Variants in BSN observed in about 807,000 individuals in gnomAD.
The protein encoded by BSN is protein bassoon.
A neutral mutation model predicts 264.8 loss-of-function variants in BSN; 57 were observed. The ratio of observed to expected loss-of-function variants is 0.22; its 90% CI spans 0.17 to 0.27. The LOEUF (loss-of-function observed/expected upper bound fraction) is 0.27. Ranked by LOEUF, BSN falls within the 10% of genes least tolerant of loss-of-function variation. BSN has a pLI of 1.00. For missense variants in BSN, 4,615 were observed against 5,232.5 expected, an observed-to-expected ratio of 0.88 and a Z score of 3.64; for synonymous variants, 2,059 against 2,137.3, an observed-to-expected ratio of 0.96 and a Z score of 1.01.
rs199514462 is a variant in BSN at position 49,657,006 on chromosome 3, C to A, written c.7450C>A (p.Pro2484Thr). ...TCCCTTTCCTGCAGCCTGTGAGGCA[C>A]CTGGCCGAGGGCCTCCCCTAGCGGC... ...KAPFPAACEA[P>T]GRGPPLAAAE... Residue 2484 changes from proline to threonine, a missense_variant, in exon 5 of 12, where the codon CCT (proline) becomes ACT (threonine). Coordinates refer to ENST00000296452, the MANE Select transcript of BSN (RefSeq NM_003458.4). 1,161 of 1,610,354 alleles carry A rather than the reference C, an allele frequency of 7.2e-4. 14 individuals carry two copies. In the South Asian group the frequency reaches 0.012, roughly 17 times the overall value.
Position 49,660,347 on chromosome 3 carries a change from A to G in BSN, c.8641-139A>G, listed in dbSNP as rs2052643520. 6.7e-7 allele frequency: 1 copy of G among 1,489,170 alleles called. No homozygotes were observed. The highest frequency in any genetic ancestry group is 2.3e-5 in the East Asian group (1 of 42,920). 92.2% of individuals were successfully genotyped at this position (1,489,170 alleles called of 1,614,324 possible). ...CTATGGGTGGGCAGGGTAGGCCTCC[A>G]GGCTGCCTGGTAAATCAGGGCACCA... On this transcript the variant is annotated intron_variant, in intron 5 of 11. Coordinates refer to ENST00000296452, the MANE Select transcript of BSN (RefSeq NM_003458.4). The surrounding 1 kb of genome is among the most constrained non-coding windows in gnomAD (Gnocchi z 7.1).
At chr3:49,608,136 C>A (rs990365432) in intron 1 of BSN, among the ~76,000 whole-genome samples, 1 of 152,166 alleles carries the variant, frequency 6.6e-6, no homozygotes, top group African/African-American at 2.4e-5. Context: ...AGAAATGAAC[C>A]CCCAGCACCT....
rs2052540225 is a variant in BSN, at chr3:49,651,420, G to A, written c.1987-123G>A. On this transcript the variant is annotated intron_variant, in intron 4 of 11. Transcript: ENST00000296452. The surrounding 1 kb of genome is among the most constrained non-coding windows in gnomAD (Gnocchi z 5.4). ...CCAGAAGGAGATAGGGTGGGTGGCG[G>A]GCCCTAAACCCTTGGGAAATGGACA... 1 of 1,095,090 alleles carries A rather than the reference G, an allele frequency of 9.1e-7. No individual in the cohort carries two copies. The highest frequency in any genetic ancestry group is 1.3e-6 in the Non-Finnish European group (1 of 772,090). 67.8% of individuals were successfully genotyped at this position (1,095,090 alleles called of 1,614,324 possible).
rs1233332116 is a variant in BSN at position 49,652,692 on chromosome 3, C to G, written c.3136C>G (p.Leu1046Val). Residue 1046 changes from leucine to valine, a missense_variant, in exon 5 of 12, where the codon CTG (leucine) becomes GTG (valine). Transcript: ENST00000296452. Reference sequence around the variant, plus strand: ...CGAGGACTCCTCAGAGGAGGAGGAGCTGCGGGAGGAAGAGGAGCTGCTTCG... The same window carrying G: ...CGAGGACTCCTCAGAGGAGGAGGAGGTGCGGGAGGAAGAGGAGCTGCTTCG... Reference protein sequence around the residue: ...TIEDSSEEEELREEEELLREQ... With the variant: ...TIEDSSEEEEVREEEELLREQ... The G allele has an allele frequency of 6.3e-7, 1 of 1,578,322 alleles. No homozygotes were observed. Among genetic ancestry groups the G allele is most frequent in the Non-Finnish European group, 8.6e-7 (1 of 1,162,344 alleles).
chr3:49,634,651 C>T (rs2052408000), intron 2 of BSN, among the ~76,000 whole-genome samples: 1 of 152,198 alleles, frequency 6.6e-6, no homozygotes, highest in African/African-American at 2.4e-5. Context: ...CTCACCCTCC[C>T]AAAGTGCTGG....
At position 49,554,523 on chromosome 3, in the gene BSN, C is replaced by A; in HGVS notation, c.-80C>A. 2.3e-6 allele frequency: 1 copy of A among 432,562 alleles called. No homozygotes were observed. Among genetic ancestry groups the A allele is most frequent in the Non-Finnish European group, 3.1e-6 (1 of 325,444 alleles). The allele number at this position is 432,562 out of a possible 1,614,324, so 26.8% of individuals were successfully genotyped here. ...TGGGAGATGGCGGCGGCAGCGGCGG[C>A]GCCGAGAGTGTGAGCACCGCCCGGG... On this transcript the variant is annotated 5_prime_UTR_variant, in exon 1 of 12. Transcript: ENST00000296452.
At chr3:49,581,189 T>C (rs1237439614) in intron 1 of BSN, among the ~76,000 whole-genome samples, 2 of 152,118 alleles carry the variant, frequency 1.3e-5, no homozygotes, top group African/African-American at 4.8e-5. Flanking sequence ...TTCGCCATGT[T>C]GGCCAGGCTG....
At chr3:49,612,337 G>A (rs1452724847) in intron 1 of BSN, among the ~76,000 whole-genome samples, 2 of 152,092 alleles carry the variant, frequency 1.3e-5, no homozygotes, top group African/African-American at 2.4e-5. Context: ...GGGTTTCACT[G>A]TGTTAGCCAG....
At position 49,661,730 on chromosome 3, in the gene BSN, A is replaced by G; in HGVS notation, c.9885A>G (p.Ser3295=). Residue 3295 remains serine (S), a synonymous_variant, in exon 6 of 12, where the codon TCA becomes TCG. Coordinates refer to ENST00000296452, the MANE Select transcript of BSN (RefSeq NM_003458.4). The part of the protein sequence containing the change: ...ARGEEESEED[S]YDPRGKGGHL... The stretch of plus-strand genomic sequence containing the variant: ...GAGAAGAGGAATCTGAGGAGGACTC[A>G]TACGATCCCCGCGGGAAGGGTGGCC... 1 of 1,613,526 alleles carries G rather than the reference A, an allele frequency of 6.2e-7. No individual in the cohort carries two copies.
Position 49,661,681 on chromosome 3 carries a change from C to T in BSN, c.9836C>T (p.Thr3279Ile), listed in dbSNP as rs149580274. Residue 3279 changes from threonine to isoleucine, a missense_variant, in exon 6 of 12, where the codon ACA becomes ATA. Around this residue, in one of 3 missense-constraint regions of BSN, gnomAD observed 3,415 missense variants for 3,866.4 expected, o/e 0.88. Coordinates refer to ENST00000296452, the MANE Select transcript of BSN (RefSeq NM_003458.4). ...PGEPGVLDGP[T>I]LPCCYARGEE... The stretch of plus-strand genomic sequence containing the variant: ...GAACCAGGTGTCCTTGACGGGCCCA[C>T]ACTGCCCTGCTGCTATGCCAGAGGA... 1.2e-4 allele frequency: 195 copies of T among 1,613,626 alleles called. No individual in the cohort carries two copies. The highest frequency in any genetic ancestry group is 1.6e-4 in the Non-Finnish European group (185 of 1,180,054).
rs1399483290 is a variant in BSN at position 49,661,020 on chromosome 3, C to G, written c.9175C>G (p.Pro3059Ala). The change falls in exon 6 of 12, where the codon CCA becomes GCA. Residue 3059 changes from proline (P) to alanine (A), a missense_variant. Physicochemically the swap from Pro to Ala is conservative, Grantham distance 27 (BLOSUM62 -1). Around this residue, in one of 3 missense-constraint regions of BSN, gnomAD observed 3,415 missense variants for 3,866.4 expected, o/e 0.88. Coordinates refer to ENST00000296452, the MANE Select transcript of BSN (RefSeq NM_003458.4). ...TAFQQPRFQPPAPQYSAGSGG... is the reference protein window; with the variant it reads ...TAFQQPRFQPAAPQYSAGSGG... ...CTTCCAGCAGCCCCGCTTCCAGCCT[C>G]CAGCCCCACAGTATTCTGCAGGCAG... 3 of 1,611,346 alleles carry G rather than the reference C, an allele frequency of 1.9e-6. No individual in the cohort carries two copies. The highest frequency in any genetic ancestry group is 2.5e-6 in the Non-Finnish European group (3 of 1,179,886).
chr3:49,580,358 G>C (rs985381288), intron 1 of BSN, among the ~76,000 whole-genome samples: 1 of 152,198 alleles, frequency 6.6e-6, no homozygotes, highest in Admixed American at 6.5e-5. Flanking sequence ...GAAATCTTAA[G>C]ACAGTTTTAT....
chr3:49,575,500 GTA>G (rs1010054648), intron 1 of BSN, among the ~76,000 whole-genome samples: 46 of 146,406 alleles, frequency 3.1e-4, no homozygotes, highest in South Asian at 1.1e-3. Flanking sequence ...ATATGTGTGT[GTA>G]TATATATGTA....
intron 1 of BSN, among the ~76,000 whole-genome samples, chr3:49,580,852 T>G (rs1203639927): frequency 6.6e-6 from 1 of 152,174 alleles, no homozygotes; most frequent in Non-Finnish European, 1.5e-5. Flanking sequence ...TGGCATTAAT[T>G]ACTGTATATT....
Position 49,657,588 on chromosome 3 carries a change from C to G in BSN, c.8032C>G (p.Pro2678Ala), listed in dbSNP as rs773704108. ...TISDCSVQTEPDQLPRVSPAI... is the reference protein window; with the variant it reads ...TISDCSVQTEADQLPRVSPAI... ...CAGTGACTGCTCCGTGCAGACGGAG[C>G]CTGACCAGCTGCCCAGGGTCTCTCC... The change falls in exon 5 of 12, where the codon CCT (proline) becomes GCT (alanine). Residue 2678 changes from proline (P) to alanine (A), a missense_variant. This residue lies in a region of BSN where 3,415 missense variants were observed against 3,866.4 expected (regional missense o/e 0.88). Transcript: ENST00000296452. 5.6e-6 allele frequency: 9 copies of G among 1,611,818 alleles called. No individual in the cohort carries two copies. The highest frequency in any genetic ancestry group is 1.6e-4 in the Middle Eastern group (1 of 6,080).
chr3:49,592,069 T>G (rs1353409327), intron 1 of BSN, among the ~76,000 whole-genome samples: 2 of 152,108 alleles, frequency 1.3e-5, no homozygotes, highest in Non-Finnish European at 2.9e-5. Context: ...AGACAGTTGA[T>G]TTTTTTAAAA....
chr3:49,641,114 T>A (rs927567228), intron 2 of BSN, among the ~76,000 whole-genome samples: 3 of 152,198 alleles, frequency 2.0e-5, no homozygotes, highest in Admixed American at 6.5e-5. Flanking sequence ...TGTTTGATCC[T>A]ATTGGTGAGA....
At chr3:49,601,006 C>T (rs1437642897) in intron 1 of BSN, among the ~76,000 whole-genome samples, 2 of 152,066 alleles carry the variant, frequency 1.3e-5, no homozygotes, top group African/African-American at 4.8e-5. Flanking sequence ...GAAGAATGGC[C>T]CCCCAGGAAT....
In BSN at chr3:49,587,887, T is replaced by TTTTTTCTTTTCTTTTC. The variant is rs528313492; in HGVS notation, c.224+33065_224+33066insTCTTTTCTTTTCTTTT. On this transcript the variant is annotated intron_variant, in intron 1 of 11. Transcript: ENST00000296452. The stretch of plus-strand genomic sequence containing the variant: ...GTTACTTGGGCAGGGAAAGTTGGGG[T>TTTTTTCTTTTCTTTTC]TTTTCTTTTCTTTTCTTTTCTTTTC... Among the ~76,000 whole-genome samples the TTTTTTCTTTTCTTTTC allele has an allele frequency of 1.9e-4, 23 of 121,612 alleles. No individual in the cohort carries two copies. The South Asian group carries it at 5.2e-3, about 28-fold the overall frequency. The allele number at this position is 121,612 out of a possible 152,430, so 79.8% of individuals were successfully genotyped here. A position where few individuals can be genotyped will look rare whatever the true frequency, so the allele number is the denominator to read the frequency against.
Sources: gnomAD v4.1 joint callset for allele counts (sites outside exome capture counted in the v4.1 genomes callset) on GRCh38, gnomAD v4.1.1 for gene constraint, gnomAD v4.1.1 regional missense constraint, Gnocchi (gnomAD v3.1) non-coding constraint, MANE v1.5 for transcripts, NCBI Gene and HGNC (gene_info 2026-07-23, HGNC 2026-07-21) for gene names.